The following SPINK5 variants were observed in gnomAD, a reference collection of about 807,000 sequenced individuals.
The protein encoded by SPINK5 is serine protease inhibitor Kazal-type 5.
In SPINK5, 125 loss-of-function variants were observed where a neutral mutation model predicts 151.8. That is an observed-to-expected ratio of 0.82 (90% confidence interval 0.71 to 0.96). The LOEUF (loss-of-function observed/expected upper bound fraction) is 0.96, where lower values mean the gene tolerates loss of function less well. Among genes scored for constraint, SPINK5 ranks in the 40% least tolerant of loss-of-function variants. SPINK5 has a pLI of 0.00. For missense variants in SPINK5, 1,194 were observed against 1,291.9 expected, an observed-to-expected ratio of 0.92 and a Z score of 1.16; for synonymous variants, 374 against 395.3, an observed-to-expected ratio of 0.95 and a Z score of 0.64.
intron 4 of SPINK5, among the ~76,000 whole-genome samples, chr5:148,075,239 C>T (rs1170138443): frequency 6.6e-6 from 1 of 151,618 alleles, no homozygotes; most frequent in Non-Finnish European, 1.5e-5. Context: ...CTCTACACTT[C>T]AGCAAGTTTG....
intron 21 of SPINK5, among the ~76,000 whole-genome samples, chr5:148,115,823 CTTT>C (rs567120637): frequency 7.2e-6 from 1 of 139,772 alleles, no homozygotes; most frequent in Non-Finnish European, 1.6e-5. Context: ...CTCACCTTGT[CTTT>C]TTTTTTTTTT....
At chr5:148,129,739 A>G (rs1003703986) in intron 30 of SPINK5, among the ~76,000 whole-genome samples, 4 of 152,212 alleles carry the variant, frequency 2.6e-5, no homozygotes, top group Admixed American at 6.5e-5. Flanking sequence ...CAAAGGAACA[A>G]GTACACAAAT....
rs1042469969 is a variant in SPINK5, at chr5:148,095,808, C to CT, written c.795-5dup. ...GAAGCATCTCTACTCATTTATTTTA[C>CT]TTTTTCCAGCAAGCAGCGTTTTTCA... On this transcript the variant is annotated splice_polypyrimidine_tract_variant and intron_variant, in intron 9 of 32. Transcript: ENST00000256084. 2.5e-6 allele frequency: 4 copies of CT among 1,609,232 alleles called. No homozygotes were observed. In the Admixed American group the frequency reaches 5.0e-5, roughly 20 times the overall value.
chr5:148,077,234 A>G (rs1473051369), intron 4 of SPINK5, among the ~76,000 whole-genome samples: 1 of 151,224 alleles, frequency 6.6e-6, no homozygotes, highest in African/African-American at 2.4e-5. Flanking sequence ...GGCAAGAGAA[A>G]AATGACACAT....
At chr5:148,065,545 T>A (rs1209623619) in intron 2 of SPINK5, 173 bp downstream of exon 2, 41 of 608,170 alleles carry the variant, frequency 6.7e-5, no homozygotes, top group Non-Finnish European at 1.1e-4. Flanking sequence ...AGCCTCTCTC[T>A]CACACACACA....
At position 148,072,223 on chromosome 5, in the gene SPINK5, G is replaced by C. The variant is rs1400837172; in HGVS notation, c.282+3G>C. 1 of 1,611,896 alleles carries C rather than the reference G, an allele frequency of 6.2e-7. No individual in the cohort carries two copies. The highest frequency in any genetic ancestry group is 1.3e-5 in the African/African-American group (1 of 74,954). Reference sequence around the variant, plus strand: ...CCAAGGCTACTGCCCCAACAGAGGTGAGACTATTTGGAGCCAACCTGTTTA... The same window carrying C: ...CCAAGGCTACTGCCCCAACAGAGGTCAGACTATTTGGAGCCAACCTGTTTA... On this transcript the variant is annotated splice_donor_region_variant and intron_variant, in intron 4 of 32. Transcript: ENST00000256084.
intron 17 of SPINK5, 74 bp downstream of exon 17, chr5:148,107,238 A>G (rs1158277778): frequency 6.3e-7 from 1 of 1,576,142 alleles, no homozygotes; most frequent in African/African-American, 1.4e-5. Flanking sequence ...TCCTTCATGC[A>G]TGTGTAGAGT....
At chr5:148,090,989 C>A in intron 7 of SPINK5, 176 bp from the exon 8 acceptor site, 1 of 608,416 alleles carries the variant, frequency 1.6e-6, no homozygotes, top group Non-Finnish European at 2.9e-6. Context: ...TTCTTTCTTT[C>A]CTTATCTTTG....
chr5:148,099,501 CAAAAAAA>C (rs3214448), intron 12 of SPINK5, among the ~76,000 whole-genome samples, 186 bp downstream of exon 12: 107 of 141,594 alleles, frequency 7.6e-4, no homozygotes, highest in East Asian at 2.2e-3. Flanking sequence ...ACTAACTCTG[CAAAAAAA>C]AAAAAAAAAA....
At chr5:148,125,615 T>A in intron 28 of SPINK5, 108 bp from the exon 29 acceptor site, 1 of 1,614,150 alleles carries the variant, frequency 6.2e-7, no homozygotes, top group Non-Finnish European at 8.5e-7. Context: ...ATGAGTACAG[T>A]GAGTCTGAGC....
At chr5:148,098,289 A>C (rs1472144873) in intron 11 of SPINK5, among the ~76,000 whole-genome samples, 1 of 152,044 alleles carries the variant, frequency 6.6e-6, no homozygotes, top group Non-Finnish European at 1.5e-5. Flanking sequence ...AGCCTGTTTT[A>C]GCAATTTATA....
At chr5:148,078,738 GA>G (rs1242402119) in intron 4 of SPINK5, among the ~76,000 whole-genome samples, 1 of 150,488 alleles carries the variant, frequency 6.6e-6, no homozygotes, top group Non-Finnish European at 1.5e-5. Flanking sequence ...TGAATTGAAT[GA>G]AAACAAAAAG....
intron 20 of SPINK5, 122 bp from the exon 21 acceptor site, chr5:148,114,240 G>GAAA: frequency 1.7e-6 from 2 of 1,195,456 alleles, no homozygotes; most frequent in Non-Finnish European, 2.3e-6. Flanking sequence ...ATAACTGCCA[G>GAAA]AAAAAAAATT....
At chr5:148,116,276 C>A in intron 21 of SPINK5, 94 bp from the exon 22 acceptor site, 1 of 1,239,726 alleles carries the variant, frequency 8.1e-7, no homozygotes, top group Non-Finnish European at 1.2e-6. Context: ...TAATTCTGTA[C>A]ATATGTGATT....
At chr5:148,094,608 C>T in intron 9 of SPINK5, 127 bp downstream of exon 9, 1 of 1,463,326 alleles carries the variant, frequency 6.8e-7, no homozygotes, top group Non-Finnish European at 9.4e-7. Flanking sequence ...GTTTTATGCC[C>T]TCCACAAATC....
intron 5 of SPINK5, among the ~76,000 whole-genome samples, chr5:148,087,088 T>G (rs1428154807): frequency 6.6e-6 from 1 of 151,566 alleles, no homozygotes; most frequent in African/African-American, 2.4e-5. Context: ...GAGAATTATT[T>G]CATCATCAAA....
chr5:148,113,682 C>T (rs186142745), intron 20 of SPINK5, among the ~76,000 whole-genome samples: 2 of 152,148 alleles, frequency 1.3e-5, no homozygotes, highest in Admixed American at 6.6e-5. Flanking sequence ...AGAAGTATCG[C>T]CCTGGAACTC....
chr5:148,116,260 G>T, intron 21 of SPINK5, 110 bp from the exon 22 acceptor site: 1 of 1,106,804 alleles, frequency 9.0e-7, no homozygotes, highest in Non-Finnish European at 1.4e-6. Flanking sequence ...TTAACTCAAT[G>T]CTCGATAATT....
intron 12 of SPINK5, among the ~76,000 whole-genome samples, chr5:148,100,229 T>C (rs879868127): frequency 6.6e-6 from 1 of 152,148 alleles, no homozygotes; most frequent in Admixed American, 6.6e-5. Flanking sequence ...TGCTTATATA[T>C]TGCTTGTATT....
Sources: allele counts gnomAD v4.1 joint callset (sites outside exome capture counted in the v4.1 genomes callset), GRCh38; gene constraint gnomAD v4.1.1; transcripts MANE v1.5; gene names NCBI Gene and HGNC (gene_info 2026-07-23, HGNC 2026-07-21).